Variants in TMTC2 observed in about 807,000 individuals in gnomAD.
TMTC2 encodes the protein transmembrane O-mannosyltransferase targeting cadherins 2, also known as protein O-mannosyl-transferase TMTC2.
In TMTC2, 43 loss-of-function variants were observed where a neutral mutation model predicts 82.4. The observed-to-expected ratio is 0.52, with a 90% CI of 0.41 to 0.67. The LOEUF (loss-of-function observed/expected upper bound fraction) is 0.67, where lower values mean the gene tolerates loss of function less well. TMTC2 is among the 30% of genes least tolerant of loss of function. The pLI is 0.00. For missense variants in TMTC2, 919 were observed against 1,012.4 expected (o/e 0.91, Z 1.25); for synonymous variants, 408 against 381.9 (o/e 1.07, Z -0.80).
At chr12:82,940,659 G>T (rs1287256523) in intron 4 of TMTC2, among the ~76,000 whole-genome samples, 2 of 150,776 alleles carry the variant, frequency 1.3e-5, no homozygotes, top group South Asian at 2.1e-4. Context: ...TGTGCTGCCT[G>T]CAACATTCTC....
intron 2 of TMTC2, among the ~76,000 whole-genome samples, chr12:82,867,560 ATAAGTACT>A (rs1398350465): frequency 5.9e-5 from 9 of 152,234 alleles, no homozygotes; most frequent in Non-Finnish European, 1.3e-4. Flanking sequence ...TAAAGTACAA[ATAAGTACT>A]TTTAATATAG....
intron 8 of TMTC2, among the ~76,000 whole-genome samples, chr12:82,989,797 A>T (rs188731691): frequency 6.6e-6 from 1 of 150,692 alleles, no homozygotes; most frequent in African/African-American, 2.4e-5. Flanking sequence ...ACCAAACCAT[A>T]TGGAAGGAAA....
chr12:82,699,199 C>A (rs1872955537), intron 1 of TMTC2, among the ~76,000 whole-genome samples: 1 of 152,172 alleles, frequency 6.6e-6, no homozygotes, highest in Non-Finnish European at 1.5e-5. Flanking sequence ...CCTGCTCCAT[C>A]CCCCATACAC....
rs534018069 is a variant in TMTC2, at chr12:82,972,672, G to GT, written c.1948+5681dup. On this transcript the variant is annotated intron_variant, in intron 7 of 11. Transcript: ENST00000321196. Reference sequence around the variant, plus strand: ...CATAAATAGCTACAAGTGATGTTTAGTTTTTTAAACTATTATTTAGGTGAG... The same window carrying GT: ...CATAAATAGCTACAAGTGATGTTTAGTTTTTTTAAACTATTATTTAGGTGAG... Among the ~76,000 whole-genome samples, 691 of 152,286 alleles carry GT rather than the reference G, an allele frequency of 4.5e-3. 9 individuals carry two copies. The highest frequency in any genetic ancestry group is 0.016 in the African/African-American group (664 of 41,576).
intron 1 of TMTC2, among the ~76,000 whole-genome samples, chr12:82,848,172 A>G (rs112466109): frequency 3.9e-5 from 6 of 152,078 alleles, no homozygotes; most frequent in Admixed American, 1.3e-4. Context: ...TGACAGAGTA[A>G]TGCCAGTTAT....
At chr12:83,034,939 T>A (rs7294886) in intron 9 of TMTC2, among the ~76,000 whole-genome samples, 47,012 of 152,144 alleles carry the variant, frequency 0.31, 7,345 homozygotes, top group East Asian at 0.45. Flanking sequence ...ATTCTTAGAT[T>A]GTTATGCCAA....
chr12:82,977,080 C>T (rs1211808444), intron 7 of TMTC2, among the ~76,000 whole-genome samples: 1 of 151,906 alleles, frequency 6.6e-6, no homozygotes, highest in East Asian at 1.9e-4. Flanking sequence ...AATTGCTTAC[C>T]TAGCTAGGTT....
chr12:82,769,379 G>C (rs923321085), intron 1 of TMTC2, among the ~76,000 whole-genome samples: 7 of 151,978 alleles, frequency 4.6e-5, no homozygotes, highest in Non-Finnish European at 5.9e-5. Context: ...AGGAGGCTGA[G>C]GCAGGAGAAT....
At chr12:82,995,230 G>C (rs893123492) in intron 8 of TMTC2, among the ~76,000 whole-genome samples, 1 of 152,092 alleles carries the variant, frequency 6.6e-6, no homozygotes, top group Non-Finnish European at 1.5e-5. Flanking sequence ...TGATGGTACA[G>C]ACAATATACA....
At chr12:82,829,627 T>C (rs1869642717) in intron 1 of TMTC2, among the ~76,000 whole-genome samples, 1 of 152,142 alleles carries the variant, frequency 6.6e-6, no homozygotes. Flanking sequence ...TTTTGGCAAA[T>C]GTCACCCTTG....
chr12:82,981,321 C>CTAT (rs1433614048), intron 7 of TMTC2, among the ~76,000 whole-genome samples: 2 of 151,846 alleles, frequency 1.3e-5, no homozygotes, highest in Non-Finnish European at 2.9e-5. Context: ...GAGATGTAGA[C>CTAT]TATTACATCA....
intron 11 of TMTC2, among the ~76,000 whole-genome samples, chr12:83,081,837 G>A (rs761800534): frequency 6.6e-6 from 1 of 151,936 alleles, no homozygotes; most frequent in Non-Finnish European, 1.5e-5. Flanking sequence ...CCAAGGGTTC[G>A]AGACCATCCT....
intron 1 of TMTC2, among the ~76,000 whole-genome samples, chr12:82,735,543 C>T (rs1444721343): frequency 6.6e-6 from 1 of 152,038 alleles, no homozygotes; most frequent in East Asian, 2.0e-4. Context: ...GACGAAGTTT[C>T]ACTGTGTTAG....
chr12:83,054,336 G>A (rs1882457746), intron 10 of TMTC2, among the ~76,000 whole-genome samples: 1 of 152,036 alleles, frequency 6.6e-6, no homozygotes, highest in Non-Finnish European at 1.5e-5. Flanking sequence ...ATTACTAAGA[G>A]ATTAATAGGG....
intron 11 of TMTC2, among the ~76,000 whole-genome samples, chr12:83,122,515 C>T (rs991440373): frequency 3.3e-5 from 5 of 152,124 alleles, no homozygotes; most frequent in African/African-American, 1.2e-4. Flanking sequence ...TCCTCTAGCC[C>T]TGTATTTCAC....
At chr12:82,876,399 A>C (rs2137147874) in intron 2 of TMTC2, among the ~76,000 whole-genome samples, 3 of 152,274 alleles carry the variant, frequency 2.0e-5, no homozygotes, top group Admixed American at 2.0e-4. Context: ...CTGAGAGATA[A>C]TAGAAAGTTT....
At chr12:83,092,933 C>T (rs1883890559) in intron 11 of TMTC2, among the ~76,000 whole-genome samples, 1 of 152,208 alleles carries the variant, frequency 6.6e-6, no homozygotes, top group Non-Finnish European at 1.5e-5. Context: ...TTGAAATTTA[C>T]TGGTGGTAAA....
intron 3 of TMTC2, among the ~76,000 whole-genome samples, chr12:82,917,645 A>G (rs1159554911): frequency 6.6e-6 from 1 of 152,128 alleles, no homozygotes; most frequent in African/African-American, 2.4e-5. Context: ...TCTGTCACCC[A>G]GGCTGGAGTG....
intron 1 of TMTC2, among the ~76,000 whole-genome samples, chr12:82,850,001 T>A (rs905925984): frequency 1.3e-5 from 2 of 152,080 alleles, no homozygotes; most frequent in African/African-American, 4.8e-5. Context: ...TGCTTGAACC[T>A]AAGTCAATTG....
Sources: allele counts gnomAD v4.1 joint callset (sites outside exome capture counted in the v4.1 genomes callset), GRCh38; gene constraint gnomAD v4.1.1; transcripts MANE v1.5; gene names NCBI Gene and HGNC (gene_info 2026-07-23, HGNC 2026-07-21).